PCDH15: variants seen among roughly 807,000 people sequenced by gnomAD.
The protein encoded by PCDH15 is protocadherin related 15, also known as protocadherin-15.
In PCDH15, 129 loss-of-function variants were observed where a neutral mutation model predicts 178.5. The observed-to-expected ratio is 0.72, with a 90% CI of 0.63 to 0.84. The LOEUF is 0.84. Among genes scored for constraint, PCDH15 ranks in the 40% least tolerant of loss-of-function variants. The pLI is 0.00. For missense variants in PCDH15, 2,230 were observed against 2,099.9 expected, an observed-to-expected ratio of 1.06 and a Z score of -1.21; for synonymous variants, 800 against 732.0, an observed-to-expected ratio of 1.09 and a Z score of -1.50.
chr10:54,237,030 A>C, intron 8 of PCDH15, 99 bp from the exon 9 acceptor site: 1 of 1,032,536 alleles, frequency 9.7e-7, no homozygotes, highest in South Asian at 1.3e-5. Flanking sequence ...ATAACGTCTG[A>C]GACAGTAAAC....
intron 3 of PCDH15, among the ~76,000 whole-genome samples, chr10:54,836,713 A>T (rs377675159): frequency 6.6e-6 from 1 of 152,148 alleles, no homozygotes; most frequent in Admixed American, 6.6e-5. Flanking sequence ...TTCAAAAAAG[A>T]TAACAATAGA....
At chr10:53,888,757 CAG>C (rs1482220533) in intron 26 of PCDH15, among the ~76,000 whole-genome samples, 1 of 132,324 alleles carries the variant, frequency 7.6e-6, no homozygotes, top group Non-Finnish European at 1.6e-5. Context: ...AATGAGCACA[CAG>C]AGAGAGCCAA....
intron 2 of PCDH15, among the ~76,000 whole-genome samples, chr10:55,428,800 A>G (rs948929150): frequency 1.3e-5 from 2 of 151,090 alleles, no homozygotes; most frequent in African/African-American, 4.9e-5. Context: ...CATTTTGTGC[A>G]CTCTCATGAA....
In PCDH15 at chr10:54,020,347, C is replaced by A. The variant is rs1255930681; in HGVS notation, c.2596G>T (p.Ala866Ser). The A allele has an allele frequency of 1.2e-6, 2 of 1,613,596 alleles. No individual in the cohort carries two copies. Among genetic ancestry groups the A allele is most frequent in the Non-Finnish European group, 1.7e-6 (2 of 1,179,770 alleles). Residue 866 changes from alanine to serine, a missense_variant, in exon 20 of 38, where the codon GCA (alanine) becomes TCA (serine). By Grantham distance (99) the Ala-to-Ser change is moderately conservative. Coordinates refer to ENST00000644397, the MANE Select transcript of PCDH15 (RefSeq NM_001384140.1). ...AGTTCTCCTGTAAATGGATGTAGTG[C>A]AAAAAAGTGCTTCACTTCTGGGCTT... Reference protein sequence around the residue: ...IRSPEVKHFFALHPFTGELSL... With the variant: ...IRSPEVKHFFSLHPFTGELSL...
intron 20 of PCDH15, among the ~76,000 whole-genome samples, chr10:54,013,222 A>G (rs77250207): frequency 0.011 from 1,684 of 152,338 alleles, 32 homozygotes; most frequent in African/African-American, 0.039. Flanking sequence ...TATCCCAAAT[A>G]TATATGCATC....
At chr10:54,003,454 G>A (rs1211057166) in intron 20 of PCDH15, among the ~76,000 whole-genome samples, 1 of 151,832 alleles carries the variant, frequency 6.6e-6, no homozygotes, top group Non-Finnish European at 1.5e-5. Flanking sequence ...AGAGATTCAA[G>A]GGATCATTAG....
At chr10:55,605,340 C>T (rs1274639050) in intron 2 of PCDH15, among the ~76,000 whole-genome samples, 5 of 152,024 alleles carry the variant, frequency 3.3e-5, no homozygotes, top group African/African-American at 1.2e-4. Context: ...GGTACCATTC[C>T]TTCTGAAACT....
At chr10:55,260,308 A>G (rs1309453943) in intron 1 of PCDH15, among the ~76,000 whole-genome samples, 1 of 152,158 alleles carries the variant, frequency 6.6e-6, no homozygotes, top group Non-Finnish European at 1.5e-5. Context: ...AAGGAAGCCA[A>G]TGAAGAAGGA....
intron 9 of PCDH15, among the ~76,000 whole-genome samples, chr10:54,223,582 A>C (rs1435613255): frequency 2.1e-5 from 3 of 144,602 alleles, no homozygotes; most frequent in African/African-American, 7.5e-5. Flanking sequence ...ATACCTTAAC[A>C]GTTTTTTCTC....
At chr10:54,005,154 A>G (rs761103532) in intron 20 of PCDH15, among the ~76,000 whole-genome samples, 7 of 152,156 alleles carry the variant, frequency 4.6e-5, no homozygotes, top group Non-Finnish European at 7.4e-5. Flanking sequence ...CATATACAAA[A>G]ATCAAATCAA....
chr10:54,215,764 G>A (rs1312509240), intron 9 of PCDH15, among the ~76,000 whole-genome samples: 1 of 152,092 alleles, frequency 6.6e-6, no homozygotes, highest in African/African-American at 2.4e-5. Flanking sequence ...CGAGACGGCC[G>A]GGCGCGGTGG....
At chr10:54,227,937 C>T (rs2053629786) in intron 9 of PCDH15, among the ~76,000 whole-genome samples, 1 of 152,164 alleles carries the variant, frequency 6.6e-6, no homozygotes, top group Admixed American at 6.5e-5. Context: ...ACCACCTCAG[C>T]CTGGTTTTCA....
intron 2 of PCDH15, among the ~76,000 whole-genome samples, chr10:54,957,019 A>T (rs747569484): frequency 6.6e-6 from 1 of 151,652 alleles, no homozygotes; most frequent in Non-Finnish European, 1.5e-5. Context: ...TGACAGAAAA[A>T]AAATGCCCTG....
intron 16 of PCDH15, among the ~76,000 whole-genome samples, chr10:54,085,632 A>T (rs538964879): frequency 5.3e-5 from 8 of 152,200 alleles, no homozygotes; most frequent in African/African-American, 1.7e-4. Flanking sequence ...CACTTAATAC[A>T]TGACACTGAA....
At chr10:54,142,019 G>GAAA in intron 14 of PCDH15, among the ~76,000 whole-genome samples, 1 of 148,998 alleles carries the variant, frequency 6.7e-6, no homozygotes, top group African/African-American at 2.5e-5. Flanking sequence ...TTCAATAATG[G>GAAA]AAAAAAAAAC....
chr10:55,012,157 T>G (rs1840060561), intron 2 of PCDH15, among the ~76,000 whole-genome samples: 1 of 152,110 alleles, frequency 6.6e-6, no homozygotes, highest in Non-Finnish European at 1.5e-5. Context: ...AATAATCAAG[T>G]TGATACTTAT....
intron 2 of PCDH15, among the ~76,000 whole-genome samples, chr10:54,553,615 A>G (rs892826769): frequency 6.6e-6 from 1 of 152,168 alleles, no homozygotes; most frequent in Non-Finnish European, 1.5e-5. Context: ...CCAGCTCTGG[A>G]ATTAATAACT....
At chr10:53,820,998 A>G (rs963022129) in intron 32 of PCDH15, 24 of 625,756 alleles carry the variant, frequency 3.8e-5, no homozygotes, top group Non-Finnish European at 4.6e-5. Context: ...AAGGAATCTT[A>G]TGAAAAAATT....
At chr10:55,587,013 A>G (rs1316842029) in intron 2 of PCDH15, among the ~76,000 whole-genome samples, 1 of 152,140 alleles carries the variant, frequency 6.6e-6, no homozygotes, top group African/African-American at 2.4e-5. Flanking sequence ...GTACAATTTT[A>G]ATAAAGGCCA....
Sources: gnomAD v4.1 joint callset for allele counts (sites outside exome capture counted in the v4.1 genomes callset) on GRCh38, gnomAD v4.1.1 for gene constraint, MANE v1.5 for transcripts, NCBI Gene and HGNC (gene_info 2026-07-23, HGNC 2026-07-21) for gene names.